FBN1: variants seen among roughly 807,000 people sequenced by gnomAD.
The protein encoded by FBN1 is fibrillin 1, also known as fibrillin-1.
A neutral mutation model predicts 365.1 loss-of-function variants in FBN1; 29 were observed. The observed-to-expected ratio is 0.08, with a 90% CI of 0.06 to 0.11. The LOEUF (loss-of-function observed/expected upper bound fraction) is 0.11, where lower values mean the gene tolerates loss of function less well. Ranked by LOEUF, FBN1 falls within the 10% of genes least tolerant of loss-of-function variation. FBN1 has a pLI of 1.00. For synonymous variants in FBN1, 1,210 were observed against 1,270.5 expected, an observed-to-expected ratio of 0.95 and a Z score of 1.01; for missense variants, 2,476 against 3,703.2, an observed-to-expected ratio of 0.67 and a Z score of 8.60.
intron 15 of FBN1, among the ~76,000 whole-genome samples, chr15:48,505,733 T>C (rs1254035061): frequency 1.3e-5 from 2 of 152,220 alleles, no homozygotes; most frequent in Non-Finnish European, 2.9e-5. Context: ...CTGTATGCAG[T>C]TGGAACCCAG....
intron 2 of FBN1, among the ~76,000 whole-genome samples, chr15:48,623,095 A>G (rs1440718546): frequency 6.6e-6 from 1 of 152,228 alleles, no homozygotes; most frequent in Non-Finnish European, 1.5e-5. Context: ...TCAGGCACAG[A>G]AACAATGTCT....
intron 2 of FBN1, among the ~76,000 whole-genome samples, chr15:48,617,161 T>TG (rs1463378741): frequency 6.6e-6 from 1 of 151,610 alleles, no homozygotes; most frequent in Non-Finnish European, 1.5e-5. Flanking sequence ...TAAACTGTTT[T>TG]GGGGGTTTTT....
intron 15 of FBN1, among the ~76,000 whole-genome samples, chr15:48,505,618 C>T (rs1237946228): frequency 1.3e-5 from 2 of 152,084 alleles, no homozygotes; most frequent in Non-Finnish European, 2.9e-5. Flanking sequence ...GAAAATTCGC[C>T]TAAAATTAAA....
intron 6 of FBN1, among the ~76,000 whole-genome samples, chr15:48,540,321 T>C (rs1196455778): frequency 6.6e-6 from 1 of 152,218 alleles, no homozygotes; most frequent in Non-Finnish European, 1.5e-5. Context: ...TATATTATCG[T>C]ACGTAAGATT....
chr15:48,422,623 C>T (rs773736577), intron 60 of FBN1, among the ~76,000 whole-genome samples: 106 of 152,154 alleles, frequency 7.0e-4, no homozygotes, highest in Admixed American at 1.2e-3. Flanking sequence ...GGAAACAAAG[C>T]AAAGGAAAAA....
chr15:48,524,592 C>G (rs2043892230), intron 9 of FBN1, among the ~76,000 whole-genome samples: 1 of 152,058 alleles, frequency 6.6e-6, no homozygotes, highest in Non-Finnish European at 1.5e-5. Context: ...AGAAACGGGG[C>G]TTGCCTAGGG....
At chr15:48,629,201 TAAA>T (rs1889939734) in intron 2 of FBN1, among the ~76,000 whole-genome samples, 2 of 152,234 alleles carry the variant, frequency 1.3e-5, no homozygotes, top group Admixed American at 6.5e-5. Flanking sequence ...TCAGCTGAAC[TAAA>T]TAGTGTGCTT....
At chr15:48,443,459 C>CTT (rs899198968) in intron 49 of FBN1, among the ~76,000 whole-genome samples, 4 of 151,976 alleles carry the variant, frequency 2.6e-5, no homozygotes, top group African/African-American at 9.7e-5. Flanking sequence ...ATTTAGCGAA[C>CTT]TTATGTATTG....
At chr15:48,571,276 G>C (rs1021189038) in intron 6 of FBN1, among the ~76,000 whole-genome samples, 6 of 152,112 alleles carry the variant, frequency 3.9e-5, no homozygotes, top group Admixed American at 3.9e-4. Flanking sequence ...TTTAAACTAG[G>C]TATAGCAGAA....
At chr15:48,600,618 C>T (rs1331399082) in intron 4 of FBN1, among the ~76,000 whole-genome samples, 1 of 152,148 alleles carries the variant, frequency 6.6e-6, no homozygotes, top group East Asian at 1.9e-4. Flanking sequence ...GCAAGAGAAT[C>T]GCTTGAACCT....
At chr15:48,496,267 C>T (rs779521528) in intron 19 of FBN1, 42 bp from the exon 20 acceptor site, 3 of 1,612,604 alleles carry the variant, frequency 1.9e-6, no homozygotes, top group African/African-American at 1.3e-5. Context: ...AGGGCCCAAA[C>T]TTTGCCTGTA....
At chr15:48,609,628 T>A (rs2140732239) in intron 4 of FBN1, among the ~76,000 whole-genome samples, 1 of 152,246 alleles carries the variant, frequency 6.6e-6, no homozygotes, top group East Asian at 1.9e-4. Context: ...ATCCAACCAC[T>A]CTCCATCTGT....
rs57548469 is a variant in FBN1 at position 48,523,715 on chromosome 15, G to C, written c.988+2415C>G. 2.5e-3 allele frequency among the ~76,000 whole-genome samples: 329 copies of C among 133,610 alleles called. 11 individuals are homozygous for C. The highest frequency in any genetic ancestry group is 0.012 in the South Asian group (47 of 3,970). The allele number at this position is 133,610 out of a possible 152,430, so 87.7% of individuals were successfully genotyped here. ...AGTGCCACACCAAGGGTGGCTGGGG[G>C]GGGGGGGGAACCGTTGTGGTGGTAT... On this transcript the variant is annotated intron_variant, in intron 9 of 65. Coordinates refer to ENST00000316623, the MANE Select transcript of FBN1 (RefSeq NM_000138.5).
intron 8 of FBN1, among the ~76,000 whole-genome samples, chr15:48,532,209 T>G (rs2043978580): frequency 6.6e-6 from 1 of 152,218 alleles, no homozygotes; most frequent in Non-Finnish European, 1.5e-5. Context: ...TCAATTCTAC[T>G]CAGGCTGGAA....
chr15:48,509,833 C>G (rs1172918436), intron 14 of FBN1, among the ~76,000 whole-genome samples: 1 of 152,082 alleles, frequency 6.6e-6, no homozygotes, highest in Non-Finnish European at 1.5e-5. Flanking sequence ...CTTTAAATGG[C>G]AAGCTCTCCT....
At chr15:48,493,542 G>A (rs561247614) in intron 23 of FBN1, among the ~76,000 whole-genome samples, 15 of 152,262 alleles carry the variant, frequency 9.9e-5, no homozygotes, top group African/African-American at 2.2e-4. Context: ...TATTAACAGC[G>A]GGTCTGGACC....
intron 30 of FBN1, 30 bp from the exon 31 acceptor site, chr15:48,483,973 T>C: frequency 6.2e-7 from 1 of 1,609,142 alleles, no homozygotes; most frequent in Non-Finnish European, 8.5e-7. Flanking sequence ...CAACCACAGG[T>C]TGTTGATATT....
In FBN1 at chr15:48,537,650, G is replaced by A. The variant is rs397515841; in HGVS notation, c.697C>T (p.Arg233Cys). Residue 233 changes from arginine to cysteine, a missense_variant, in exon 7 of 66, where the codon CGT (arginine) becomes TGT (cysteine). Arg to Cys is a radical substitution (Grantham distance 180). This residue lies in a region of FBN1 where 421 missense variants were observed against 520.1 expected (regional missense o/e 0.81). Transcript: ENST00000316623. Reference sequence around the variant, plus strand: ...GTGCGGATATTTGGAATGAAGCCACGGCGGCAGGGGTGAGGCTGGGCAGGA... The same window carrying A: ...GTGCGGATATTTGGAATGAAGCCACAGCGGCAGGGGTGAGGCTGGGCAGGA... Reference protein sequence around the residue: ...MCPAQPHPCRRGFIPNIRTGA... With the variant: ...MCPAQPHPCRCGFIPNIRTGA... The A allele has an allele frequency of 2.5e-6, 4 of 1,614,214 alleles. No individual in the cohort carries two copies. In the South Asian group the frequency reaches 3.3e-5, roughly 13 times the overall value.
chr15:48,634,387 G>C (rs971911823), intron 2 of FBN1, among the ~76,000 whole-genome samples: 1 of 152,086 alleles, frequency 6.6e-6, no homozygotes, highest in African/African-American at 2.4e-5. Context: ...TCCCCTAAAA[G>C]AGGCTGATTA....
Sources: allele counts gnomAD v4.1 joint callset (sites outside exome capture counted in the v4.1 genomes callset), GRCh38; gene constraint gnomAD v4.1.1; regional missense constraint gnomAD v4.1.1; transcripts MANE v1.5; gene names NCBI Gene and HGNC (gene_info 2026-07-23, HGNC 2026-07-21).